Variants in SPTB observed in about 807,000 individuals in gnomAD.
The protein encoded by SPTB is spectrin beta, erythrocytic, also known as spectrin beta chain, erythrocytic.
A neutral mutation model predicts 256.2 loss-of-function variants in SPTB; 45 were observed. The ratio of observed to expected loss-of-function variants is 0.18; its 90% CI spans 0.14 to 0.23. SPTB has a LOEUF of 0.23. Among genes scored for constraint, SPTB ranks in the 10% least tolerant of loss-of-function variants. SPTB has a pLI of 1.00. For missense variants in SPTB, 2,715 were observed against 3,040.4 expected (o/e 0.89, Z 2.52); for synonymous variants, 1,231 against 1,243.1 (o/e 0.99, Z 0.21).
chr14:64,822,844 C>T (rs1169011662), intron 2 of SPTB, 103 bp downstream of exon 2: 4 of 1,548,490 alleles, frequency 2.6e-6, no homozygotes, highest in East Asian at 2.2e-5. Flanking sequence ...ACTGCCATGC[C>T]AGGGCTCACC....
In SPTB at chr14:64,779,078, C is replaced by T. The variant is rs979637564; in HGVS notation, c.4563+79G>A. The T allele has an allele frequency of 8.8e-7, 1 of 1,141,018 alleles. No individual in the cohort carries two copies. Among genetic ancestry groups the T allele is most frequent in the Admixed American group, 1.9e-5 (1 of 52,594 alleles). The allele number at this position is 1,141,018 out of a possible 1,614,324, so 70.7% of individuals were successfully genotyped here. On this transcript the variant is annotated intron_variant, in intron 22 of 35. Coordinates refer to ENST00000644917, the MANE Select transcript of SPTB (RefSeq NM_001355436.2). This position sits in a 1 kb window ranked among gnomAD's most constrained non-coding sequence, Gnocchi z 4.2. ...CTGCTGTTGCTAGCCTTCTGCAGGT[C>T]AGGGCTGGGCCTACCCCCGTGGGGC...
chr14:64,843,478 A>G (rs2083639949), intron 1 of SPTB, among the ~76,000 whole-genome samples: 1 of 152,208 alleles, frequency 6.6e-6, no homozygotes, highest in Non-Finnish European at 1.5e-5. Context: ...GTTTGCCACC[A>G]TTCTTCACAA....
chr14:64,794,099 T>A (rs1398195373), intron 13 of SPTB, among the ~76,000 whole-genome samples: 2 of 152,138 alleles, frequency 1.3e-5, no homozygotes, highest in Non-Finnish European at 2.9e-5. Flanking sequence ...TAGTTCTTAA[T>A]AGAAATGTAC....
At position 64,779,154 on chromosome 14, in the gene SPTB, C is replaced by T. The variant is rs1406951695; in HGVS notation, c.4563+3G>A. The T allele has an allele frequency of 6.2e-7, 1 of 1,613,436 alleles. No homozygotes were observed. On this transcript the variant is annotated splice_donor_region_variant and intron_variant, in intron 22 of 35. Coordinates refer to ENST00000644917, the MANE Select transcript of SPTB (RefSeq NM_001355436.2). This position sits in a 1 kb window ranked among gnomAD's most constrained non-coding sequence, Gnocchi z 4.2. ...GGGGCTGGTGAGGTGACGCAGGACT[C>T]ACCTGGTTCTTCTTCATGAACAGTT...
chr14:64,852,011 A>G lies in SPTB; in HGVS notation c.-52+27781T>C, dbSNP rs1049387157. Among the ~76,000 whole-genome samples the G allele has an allele frequency of 6.6e-6, 1 of 152,128 alleles. No homozygotes were observed. Among genetic ancestry groups the G allele is most frequent in the Non-Finnish European group, 1.5e-5 (1 of 68,022 alleles). ...ACAAACCTACACATCTGGCACATGTACCCCGGAACTTAAAATAAAAATATT... is the reference window on the plus strand; with the variant it reads ...ACAAACCTACACATCTGGCACATGTGCCCCGGAACTTAAAATAAAAATATT... On this transcript the variant is annotated intron_variant, in intron 1 of 35. Transcript: ENST00000644917. The surrounding 1 kb of genome is among the most constrained non-coding windows in gnomAD (Gnocchi z 4.2).
At position 64,769,068 on chromosome 14, in the gene SPTB, C is replaced by T. The variant is rs1296002224; in HGVS notation, c.5988G>A (p.Glu1996=). The T allele has an allele frequency of 6.2e-7, 1 of 1,613,798 alleles. No individual in the cohort carries two copies. The highest frequency in any genetic ancestry group is 1.3e-5 in the African/African-American group (1 of 75,060). The change falls in exon 29 of 36, where the codon GAG becomes GAA. Residue 1996 remains glutamate (E), a synonymous_variant. Transcript: ENST00000644917. The stretch of plus-strand genomic sequence containing the variant: ...GCCGCTCCCAGCGGGCTTCCCACTT[C>T]TCATTCATCTCTTTCCTCCTGGACA... ...QVMSRRKEMN[E]KWEARWERLR...
At chr14:64,860,552 T>C (rs1156478625) in intron 1 of SPTB, among the ~76,000 whole-genome samples, 1 of 152,044 alleles carries the variant, frequency 6.6e-6, no homozygotes, top group African/African-American at 2.4e-5. Context: ...TGTGTGTGAC[T>C]TATATTCTCA....
In SPTB at chr14:64,777,054, C is replaced by T. The variant is rs1264093216; in HGVS notation, c.4564-1651G>A. 3.9e-5 allele frequency among the ~76,000 whole-genome samples: 6 copies of T among 152,340 alleles called. No homozygotes were observed. The East Asian group carries it at 7.7e-4, about 20-fold the overall frequency. ...ACAGTGGGATGGAGAATGTCTGCTG[C>T]GATGTGGCAGGAGCCACTTTAGCTA... is the stretch of plus-strand genomic sequence containing the variant. On this transcript the variant is annotated intron_variant, in intron 22 of 35. Coordinates refer to ENST00000644917, the MANE Select transcript of SPTB (RefSeq NM_001355436.2). The surrounding 1 kb of genome is among the most constrained non-coding windows in gnomAD (Gnocchi z 4.5).
At chr14:64,794,680 G>A (rs553128735) in intron 12 of SPTB, 63 bp from the exon 13 acceptor site, 1 of 1,603,644 alleles carries the variant, frequency 6.2e-7, no homozygotes, top group Non-Finnish European at 8.5e-7. Flanking sequence ...ATTAGGAGAA[G>A]AGACCCCTGC....
chr14:64,851,757 G>A (rs570423303), intron 1 of SPTB, among the ~76,000 whole-genome samples: 2 of 151,856 alleles, frequency 1.3e-5, no homozygotes, highest in African/African-American at 2.4e-5. Flanking sequence ...GCAAACTAAC[G>A]CAGGAATAGA....
Position 64,802,714 on chromosome 14 carries a change from T to C in SPTB, c.475-397A>G, listed in dbSNP as rs564616098. ...AAACAAATTTCTTGCCCTCAAGGAG[T>C]AGCCGCCAGCCCCGCAGCAACACCA... On this transcript the variant is annotated intron_variant, in intron 4 of 35. Transcript: ENST00000644917. This position sits in a 1 kb window ranked among gnomAD's most constrained non-coding sequence, Gnocchi z 5.1. Among the ~76,000 whole-genome samples, 5 of 152,042 alleles carry C rather than the reference T, an allele frequency of 3.3e-5. No individual in the cohort carries two copies. In the South Asian group the frequency reaches 1.0e-3, roughly 32 times the overall value.
Position 64,749,243 on chromosome 14 carries a change from C to A in SPTB, c.*63G>T. ...ACCGGCGGGCGGCGGCGAGAGGAGG[C>A]CAAGGCCTGGGCTGCCCGGTCTCTG... On this transcript the variant is annotated 3_prime_UTR_variant, in exon 36 of 36. Transcript: ENST00000644917. This position sits in a 1 kb window ranked among gnomAD's most constrained non-coding sequence, Gnocchi z 4.7. 1 of 1,529,518 alleles carries A rather than the reference C, an allele frequency of 6.5e-7. No individual in the cohort carries two copies. The highest frequency in any genetic ancestry group is 1.4e-5 in the African/African-American group (1 of 72,942). 94.7% of individuals were successfully genotyped at this position (1,529,518 alleles called of 1,614,324 possible).
In SPTB at chr14:64,760,243, G is replaced by T. The variant is rs1224413739; in HGVS notation, c.6346-6450C>A. On this transcript the variant is annotated intron_variant, in intron 32 of 35. Transcript: ENST00000644917. The surrounding 1 kb of genome is among the most constrained non-coding windows in gnomAD (Gnocchi z 4.3). ...TGCTAGGAAACTGGCTTGGGTGGGG[G>T]AGGCAGGGGTTGGGGTCTTCACAGA... Among the ~76,000 whole-genome samples, 1 of 152,132 alleles carries T rather than the reference G, an allele frequency of 6.6e-6. No individual in the cohort carries two copies. The highest frequency in any genetic ancestry group is 1.5e-5 in the Non-Finnish European group (1 of 68,034).
At chr14:64,752,964 C>G (rs544066663) in intron 33 of SPTB, among the ~76,000 whole-genome samples, 14 of 152,040 alleles carry the variant, frequency 9.2e-5, no homozygotes, top group South Asian at 4.2e-4. Flanking sequence ...AAGGACGCAG[C>G]CTTTGAGTCA....
chr14:64,746,317 A>G lies in SPTB; in HGVS notation c.*2989T>C, dbSNP rs1295253739. Reference sequence around the variant, plus strand: ...ATTGATTTATTAGAAAAACTAGTAAATGGGTTTCCTCTGGTTGGTGGAAGC... The same window carrying G: ...ATTGATTTATTAGAAAAACTAGTAAGTGGGTTTCCTCTGGTTGGTGGAAGC... On this transcript the variant is annotated 3_prime_UTR_variant, in exon 36 of 36. Transcript: ENST00000644917. The surrounding 1 kb of genome is among the most constrained non-coding windows in gnomAD (Gnocchi z 4.9). The G allele has an allele frequency of 1.3e-5, 2 of 152,456 alleles. No individual in the cohort carries two copies. Among genetic ancestry groups the G allele is most frequent in the African/African-American group, 2.4e-5 (1 of 41,442 alleles). The allele number at this position is 152,456 out of a possible 1,614,324, so 9.4% of individuals were successfully genotyped here. A position where few individuals can be genotyped will look rare whatever the true frequency, so the allele number is the denominator to read the frequency against.
chr14:64,830,838 G>A (rs1007819659), intron 1 of SPTB, among the ~76,000 whole-genome samples: 2 of 152,082 alleles, frequency 1.3e-5, no homozygotes, highest in African/African-American at 4.8e-5. Context: ...TAGTCAGGAG[G>A]GTTCACATGG....
rs2082168559 is a variant in SPTB at position 64,765,925 on chromosome 14, A to T, written c.6345+801T>A. On this transcript the variant is annotated intron_variant, in intron 32 of 35. Coordinates refer to ENST00000644917, the MANE Select transcript of SPTB (RefSeq NM_001355436.2). ...TGTGTGTGGGGGTGTGGTGTGTATG[A>T]GTGTGTATGTGTGTGGGTGTGAGTG... Among the ~76,000 whole-genome samples the T allele has an allele frequency of 2.4e-5, 3 of 127,166 alleles. No homozygotes were observed. The South Asian group carries it at 7.6e-4, about 32-fold the overall frequency. 83.4% of individuals were successfully genotyped at this position (127,166 alleles called of 152,430 possible). A position where few individuals can be genotyped will look rare whatever the true frequency, so the allele number is the denominator to read the frequency against.
Position 64,747,928 on chromosome 14 carries a change from C to T in SPTB, c.*1378G>A, listed in dbSNP as rs534377343. On this transcript the variant is annotated 3_prime_UTR_variant, in exon 36 of 36. Coordinates refer to ENST00000644917, the MANE Select transcript of SPTB (RefSeq NM_001355436.2). ...AATATGGAATGAGCTTTCTCTTCCT[C>T]CAGAAGTATGACCTGAGCAGCAAGG... 32 of 151,998 alleles carry T rather than the reference C, an allele frequency of 2.1e-4. No homozygotes were observed. The highest frequency in any genetic ancestry group is 7.0e-4 in the African/African-American group (29 of 41,406). The allele number at this position is 151,998 out of a possible 1,614,324, so 9.4% of individuals were successfully genotyped here. A position where few individuals can be genotyped will look rare whatever the true frequency, so the allele number is the denominator to read the frequency against.
rs1882656227 is a variant in SPTB, at chr14:64,873,447, G to A, written c.-52+6345C>T. Among the ~76,000 whole-genome samples, 1 of 152,182 alleles carries A rather than the reference G, an allele frequency of 6.6e-6. No homozygotes were observed. The highest frequency in any genetic ancestry group is 1.5e-5 in the Non-Finnish European group (1 of 68,024). ...TGAAGCATAAGCACAATAATGCCCA[G>A]TAAATTTGGGGTAAAGGAATGAAAA... On this transcript the variant is annotated intron_variant, in intron 1 of 35. Coordinates refer to ENST00000644917, the MANE Select transcript of SPTB (RefSeq NM_001355436.2). The surrounding 1 kb of genome is among the most constrained non-coding windows in gnomAD (Gnocchi z 4.3).
Sources: allele counts gnomAD v4.1 joint callset (sites outside exome capture counted in the v4.1 genomes callset), GRCh38; gene constraint gnomAD v4.1.1; non-coding constraint Gnocchi (gnomAD v3.1); transcripts MANE v1.5; gene names NCBI Gene and HGNC (gene_info 2026-07-23, HGNC 2026-07-21).